Variants in BCAS3 observed in about 807,000 individuals in gnomAD.
The protein encoded by BCAS3 is BCAS4/BCAS3 fusion.
BCAS3 carries 53 observed loss-of-function variants against 116.1 expected under a neutral mutation model. The observed-to-expected ratio is 0.46, with a 90% confidence interval of 0.37 to 0.57. The LOEUF (loss-of-function observed/expected upper bound fraction) is 0.57. Ranked by LOEUF, BCAS3 falls within the 20% of genes least tolerant of loss-of-function variation. The probability of loss-of-function intolerance (pLI) is 0.00; values close to 1 mark genes in which losing one functional copy is unlikely to be tolerated. For missense variants in BCAS3, 917 were observed against 1,165.4 expected, an observed-to-expected ratio of 0.79 and a Z score of 3.10; for synonymous variants, 391 against 408.2, an observed-to-expected ratio of 0.96 and a Z score of 0.51.
chr17:60,685,221 C>T lies in BCAS3; in HGVS notation c.138+1185C>T, dbSNP rs188117659. On this transcript the variant is annotated intron_variant, in intron 3 of 23. Coordinates refer to ENST00000407086, the MANE Select transcript of BCAS3 (RefSeq NM_017679.5). Reference sequence around the variant, plus strand: ...GTGGCTCACGCCTGTAATCCCAGCACTTTGGGAGGCTGAGGTCAGGAGTTC... The same window carrying T: ...GTGGCTCACGCCTGTAATCCCAGCATTTTGGGAGGCTGAGGTCAGGAGTTC... Among the ~76,000 whole-genome samples, 301 of 152,126 alleles carry T rather than the reference C, an allele frequency of 2.0e-3. 1 individual carries two copies. The highest frequency in any genetic ancestry group is 3.3e-3 in the Admixed American group (50 of 15,264).
intron 14 of BCAS3, among the ~76,000 whole-genome samples, chr17:60,949,538 C>T (rs1053940664): frequency 7.2e-5 from 11 of 152,048 alleles, no homozygotes; most frequent in African/African-American, 1.9e-4. Context: ...AGCCTCCCAA[C>T]GTGCTGGAAT....
At chr17:61,176,438 A>C (rs1425267924) in intron 22 of BCAS3, among the ~76,000 whole-genome samples, 1 of 151,070 alleles carries the variant, frequency 6.6e-6, no homozygotes, top group African/African-American at 2.4e-5. Flanking sequence ...TAAAAGAAAA[A>C]ATGAACCCAA....
rs1434646773 is a variant in BCAS3 at position 61,130,538 on chromosome 17, C to T, written c.2425+45974C>T. 6.6e-6 allele frequency among the ~76,000 whole-genome samples: 1 copy of T among 152,196 alleles called. No homozygotes were observed. Among genetic ancestry groups the T allele is most frequent in the Non-Finnish European group, 1.5e-5 (1 of 68,044 alleles). On this transcript the variant is annotated intron_variant, in intron 22 of 23. Transcript: ENST00000407086. This position sits in a 1 kb window ranked among gnomAD's most constrained non-coding sequence, Gnocchi z 5.0. ...TTATGTTACGTAATATGGTGAGAATCTTCTTCCTCAAATACTTTTTATCCT... is the reference window on the plus strand; with the variant it reads ...TTATGTTACGTAATATGGTGAGAATTTTCTTCCTCAAATACTTTTTATCCT...
intron 5 of BCAS3, among the ~76,000 whole-genome samples, chr17:60,735,025 A>G (rs1873888660): frequency 6.6e-6 from 1 of 152,196 alleles, no homozygotes; most frequent in Non-Finnish European, 1.5e-5. Flanking sequence ...TTTTCCTCAT[A>G]TAGATTGCAT....
At position 61,222,345 on chromosome 17, in the gene BCAS3, A is replaced by G. The variant is rs2082154763; in HGVS notation, c.2425+137781A>G. ...GCAAGAAACTTCGGCTTGACTAATG[A>G]GTATGGTCTTGGTGTGGTCCTTCCT... is the stretch of plus-strand genomic sequence containing the variant. On this transcript the variant is annotated intron_variant, in intron 22 of 23. Coordinates refer to ENST00000407086, the MANE Select transcript of BCAS3 (RefSeq NM_017679.5). The surrounding 1 kb of genome is among the most constrained non-coding windows in gnomAD (Gnocchi z 6.1). Among the ~76,000 whole-genome samples, 1 of 152,174 alleles carries G rather than the reference A, an allele frequency of 6.6e-6. No homozygotes were observed. The highest frequency in any genetic ancestry group is 1.5e-5 in the Non-Finnish European group (1 of 68,032).
chr17:60,684,071 G>C, intron 3 of BCAS3, 35 bp downstream of exon 3: 1 of 1,593,264 alleles, frequency 6.3e-7, no homozygotes. Context: ...CTTTCCCTTT[G>C]GTCAGGAGAG....
At chr17:60,947,956 G>C (rs1034016919) in intron 14 of BCAS3, among the ~76,000 whole-genome samples, 3 of 152,024 alleles carry the variant, frequency 2.0e-5, no homozygotes, top group South Asian at 2.1e-4. Flanking sequence ...CAGAGAGCTA[G>C]ATTTTAAACA....
chr17:60,975,392 A>G (rs2062270337), intron 14 of BCAS3, among the ~76,000 whole-genome samples: 1 of 152,230 alleles, frequency 6.6e-6, no homozygotes, highest in African/African-American at 2.4e-5. Context: ...GCAGCTGCTT[A>G]TCTTCCTTTG....
intron 14 of BCAS3, among the ~76,000 whole-genome samples, chr17:60,978,219 T>A (rs2062550639): frequency 7.7e-6 from 1 of 130,520 alleles, no homozygotes; most frequent in Admixed American, 7.2e-5. Flanking sequence ...TGGTATCTCA[T>A]TGTGGTTTTG....
chr17:61,083,222 C>T lies in BCAS3; in HGVS notation c.2328-1245C>T, dbSNP rs2072783524. ...GCAAGATCTCTAACTGATGTGGACC[C>T]TGCATGTATTCCCCCATCTCCTCAA... On this transcript the variant is annotated intron_variant, in intron 21 of 23. Coordinates refer to ENST00000407086, the MANE Select transcript of BCAS3 (RefSeq NM_017679.5). The surrounding 1 kb of genome is among the most constrained non-coding windows in gnomAD (Gnocchi z 4.9). 6.6e-6 allele frequency among the ~76,000 whole-genome samples: 1 copy of T among 152,176 alleles called. No homozygotes were observed. The highest frequency in any genetic ancestry group is 2.1e-4 in the South Asian group (1 of 4,828).
chr17:61,001,609 C>T (rs2064242391), intron 15 of BCAS3, among the ~76,000 whole-genome samples: 1 of 151,924 alleles, frequency 6.6e-6, no homozygotes, highest in African/African-American at 2.4e-5. Context: ...GATTTTATGC[C>T]TCATATGACA....
chr17:60,964,827 T>C lies in BCAS3; in HGVS notation c.1221+17475T>C, dbSNP rs1007315266. ...TTCTAGGTTTTCCAGTTTGTTGGTA[T>C]ATAATTGTTCATAGTAGTCTCTAAT... On this transcript the variant is annotated intron_variant, in intron 14 of 23. Transcript: ENST00000407086. The surrounding 1 kb of genome is among the most constrained non-coding windows in gnomAD (Gnocchi z 4.6). Among the ~76,000 whole-genome samples, 47 of 152,312 alleles carry C rather than the reference T, an allele frequency of 3.1e-4. No homozygotes were observed. The highest frequency in any genetic ancestry group is 1.1e-3 in the African/African-American group (47 of 41,600).
intron 22 of BCAS3, among the ~76,000 whole-genome samples, chr17:61,298,504 T>C (rs1407950052): frequency 1.3e-5 from 2 of 152,250 alleles, no homozygotes; most frequent in African/African-American, 4.8e-5. Flanking sequence ...CCCTGGTCTT[T>C]GTGACCATGC....
At position 61,381,050 on chromosome 17, in the gene BCAS3, T is replaced by G. The variant is rs907283933; in HGVS notation, c.2594-10927T>G. Reference sequence around the variant, plus strand: ...TGGCCACTTGTTGTCTGCGCTTGTCTGTCCATTTATACAACCTAATGTAAC... The same window carrying G: ...TGGCCACTTGTTGTCTGCGCTTGTCGGTCCATTTATACAACCTAATGTAAC... On this transcript the variant is annotated intron_variant, in intron 23 of 23. Transcript: ENST00000407086. This position sits in a 1 kb window ranked among gnomAD's most constrained non-coding sequence, Gnocchi z 6.0. 6.6e-6 allele frequency among the ~76,000 whole-genome samples: 1 copy of G among 152,254 alleles called. No individual in the cohort carries two copies. The highest frequency in any genetic ancestry group is 2.4e-5 in the African/African-American group (1 of 41,472).
rs1271582102 is a variant in BCAS3, at chr17:61,203,766, C to A, written c.2425+119202C>A. Among the ~76,000 whole-genome samples, 2 of 152,074 alleles carry A rather than the reference C, an allele frequency of 1.3e-5. No homozygotes were observed. The highest frequency in any genetic ancestry group is 2.9e-5 in the Non-Finnish European group (2 of 68,030). Reference sequence around the variant, plus strand: ...AGCCTTGTCCCCGAGACCAAAAGCTCAATCAGTGTCACTCTGCAGAGAATG... The same window carrying A: ...AGCCTTGTCCCCGAGACCAAAAGCTAAATCAGTGTCACTCTGCAGAGAATG... On this transcript the variant is annotated intron_variant, in intron 22 of 23. Transcript: ENST00000407086. The surrounding 1 kb of genome is among the most constrained non-coding windows in gnomAD (Gnocchi z 5.7).
chr17:60,718,716 C>A (rs2038917617), intron 5 of BCAS3, among the ~76,000 whole-genome samples: 1 of 152,054 alleles, frequency 6.6e-6, no homozygotes, highest in Non-Finnish European at 1.5e-5. Context: ...TGTTTCTTGG[C>A]CATTTATATA....
chr17:61,392,424 T>A lies in BCAS3; in HGVS notation c.*299T>A. 1 of 175,234 alleles carries A rather than the reference T, an allele frequency of 5.7e-6. No homozygotes were observed. 10.9% of individuals were successfully genotyped at this position (175,234 alleles called of 1,614,324 possible). The stretch of plus-strand genomic sequence containing the variant: ...GCATTGGATCCGCTTTTGTATTTTT[T>A]AACCATACCCACGGTGGGGCGGGTG... On this transcript the variant is annotated 3_prime_UTR_variant, in exon 24 of 24. Transcript: ENST00000407086. The surrounding 1 kb of genome is among the most constrained non-coding windows in gnomAD (Gnocchi z 6.4).
intron 14 of BCAS3, among the ~76,000 whole-genome samples, chr17:60,958,182 TCA>T (rs2061237844): frequency 6.6e-6 from 1 of 152,146 alleles, no homozygotes; most frequent in Admixed American, 6.5e-5. Context: ...TCATAGATTC[TCA>T]ATACACTGGA....
Position 61,077,164 on chromosome 17 carries a change from A to G in BCAS3, c.2131-1169A>G, listed in dbSNP as rs1003765319. On this transcript the variant is annotated intron_variant, in intron 20 of 23. Transcript: ENST00000407086. This position sits in a 1 kb window ranked among gnomAD's most constrained non-coding sequence, Gnocchi z 4.3. The stretch of plus-strand genomic sequence containing the variant: ...AAAAAAAAAAAAAATCATGTAATAT[A>G]TATATTTTCAGGTTTTTCCAAGTGT... Among the ~76,000 whole-genome samples, 4 of 151,824 alleles carry G rather than the reference A, an allele frequency of 2.6e-5. No homozygotes were observed. Among genetic ancestry groups the G allele is most frequent in the African/African-American group, 7.3e-5 (3 of 41,280 alleles).
Sources: gnomAD v4.1 joint callset for allele counts (sites outside exome capture counted in the v4.1 genomes callset) on GRCh38, gnomAD v4.1.1 for gene constraint, Gnocchi (gnomAD v3.1) non-coding constraint, MANE v1.5 for transcripts, NCBI Gene and HGNC (gene_info 2026-07-23, HGNC 2026-07-21) for gene names.